The following CFAP58 variants were observed in gnomAD, a reference collection of about 807,000 sequenced individuals.
The protein encoded by CFAP58 is cilia- and flagella-associated protein 58.
Under a neutral mutation model 119.5 loss-of-function variants are expected in CFAP58, and 88 were observed. That is an observed-to-expected ratio of 0.74 (90% CI 0.62 to 0.88). The LOEUF is 0.88. Among genes scored for constraint, CFAP58 ranks in the 40% least tolerant of loss-of-function variants. The pLI is 0.00. For missense variants in CFAP58, 990 were observed against 1,021.2 expected (o/e 0.97, Z 0.42); for synonymous variants, 365 against 366.3 (o/e 1.00, Z 0.04).
At chr10:104,415,326 T>C (rs899518304) in intron 15 of CFAP58, among the ~76,000 whole-genome samples, 5 of 152,110 alleles carry the variant, frequency 3.3e-5, no homozygotes, top group African/African-American at 1.2e-4. Context: ...GGTCATCCCA[T>C]GGGCGTTTGA....
chr10:104,382,683 G>A (rs1444737029), intron 9 of CFAP58, among the ~76,000 whole-genome samples: 1 of 152,192 alleles, frequency 6.6e-6, no homozygotes, highest in Admixed American at 6.5e-5. Flanking sequence ...ATGATGGTGA[G>A]TGAGTTCTCA....
chr10:104,355,348 A>G (rs1470769272), intron 1 of CFAP58, among the ~76,000 whole-genome samples: 3 of 152,244 alleles, frequency 2.0e-5, no homozygotes, highest in East Asian at 3.9e-4. Flanking sequence ...TTCAGGATAT[A>G]TTTGCATATT....
chr10:104,409,600 TTCTC>T (rs1301464808), intron 15 of CFAP58, among the ~76,000 whole-genome samples: 1 of 152,244 alleles, frequency 6.6e-6, no homozygotes, highest in African/African-American at 2.4e-5. Flanking sequence ...TTATTTCTCC[TTCTC>T]TCTGACATTT....
chr10:104,438,335 TTTTTTG>T (rs1564904703), intron 15 of CFAP58, among the ~76,000 whole-genome samples: 4 of 132,672 alleles, frequency 3.0e-5, no homozygotes, highest in African/African-American at 1.3e-4. Context: ...TGTTTTTTTG[TTTTTTG>T]TTTTTTGTTT....
intron 15 of CFAP58, among the ~76,000 whole-genome samples, chr10:104,423,717 T>C (rs1318250445): frequency 1.3e-5 from 2 of 152,162 alleles, no homozygotes; most frequent in South Asian, 4.1e-4. Context: ...ACAAAAGAGA[T>C]TTTCAGTGAT....
At chr10:104,438,350 T>G (rs201656019) in intron 15 of CFAP58, among the ~76,000 whole-genome samples, 6 of 38,744 alleles carry the variant, frequency 1.5e-4, no homozygotes, top group African/African-American at 2.6e-4. Flanking sequence ...TGTTTTTTGT[T>G]TTTTTTTTTT....
At chr10:104,407,614 G>C (rs1183730666) in intron 15 of CFAP58, among the ~76,000 whole-genome samples, 1 of 152,030 alleles carries the variant, frequency 6.6e-6, no homozygotes, top group Non-Finnish European at 1.5e-5. Flanking sequence ...GGATGGAAAG[G>C]GTTTAGTATT....
intron 9 of CFAP58, among the ~76,000 whole-genome samples, chr10:104,390,700 AGTTTT>A (rs1248450221): frequency 6.6e-6 from 1 of 152,228 alleles, no homozygotes; most frequent in African/African-American, 2.4e-5. Flanking sequence ...TTGTTAACCT[AGTTTT>A]GTTTTGTGTA....
chr10:104,440,504 C>A (rs992117624), intron 15 of CFAP58, among the ~76,000 whole-genome samples: 2 of 152,146 alleles, frequency 1.3e-5, no homozygotes, highest in African/African-American at 4.8e-5. Flanking sequence ...ATTGAGCCCT[C>A]TCCAGTCCAA....
intron 12 of CFAP58, 45 bp from the exon 13 acceptor site, chr10:104,400,635 A>C: frequency 6.6e-7 from 1 of 1,504,988 alleles, no homozygotes; most frequent in Non-Finnish European, 9.2e-7. Flanking sequence ...TGAAAAGCTA[A>C]GGCTCCTCCT....
intron 15 of CFAP58, among the ~76,000 whole-genome samples, chr10:104,414,949 G>C (rs983746675): frequency 2.6e-5 from 4 of 152,184 alleles, no homozygotes; most frequent in African/African-American, 9.7e-5. Context: ...GGTTGTCTCT[G>C]AACACTCCCC....
intron 6 of CFAP58, among the ~76,000 whole-genome samples, chr10:104,370,027 C>T (rs2014801817): frequency 6.6e-6 from 1 of 152,120 alleles, no homozygotes; most frequent in South Asian, 2.1e-4. Context: ...GTCCACTTAT[C>T]CATATGTATA....
At position 104,370,991 on chromosome 10, in the gene CFAP58, C is replaced by G; in HGVS notation, c.1027C>G (p.Gln343Glu). The change falls in exon 7 of 18, where the codon CAA becomes GAA. Residue 343 changes from glutamine (Q) to glutamate (E), a missense_variant. Physicochemically the swap from Gln to Glu is conservative, Grantham distance 29. Transcript: ENST00000369704. ...IHKKLHHTEDQKAEVEQHKET... is the reference protein window; with the variant it reads ...IHKKLHHTEDEKAEVEQHKET... ...TAAGAAATTGCACCACACCGAAGAT[C>G]AAAAGGCAGAAGTCGAACAGCACAA... is the stretch of plus-strand genomic sequence containing the variant. 1.9e-6 allele frequency: 3 copies of G among 1,613,404 alleles called. No homozygotes were observed. The African/African-American group carries it at 4.0e-5, about 22-fold the overall frequency.
At chr10:104,377,113 G>A (rs2011688961) in intron 8 of CFAP58, among the ~76,000 whole-genome samples, 1 of 152,206 alleles carries the variant, frequency 6.6e-6, no homozygotes, top group Non-Finnish European at 1.5e-5. Flanking sequence ...AAAAGACTTT[G>A]GAGAATTAGC....
chr10:104,422,949 C>T (rs532373437), intron 15 of CFAP58, among the ~76,000 whole-genome samples: 91 of 152,298 alleles, frequency 6.0e-4, no homozygotes, highest in African/African-American at 2.1e-3. Flanking sequence ...ATTTAATCAT[C>T]AAGTGGTACA....
At chr10:104,433,451 G>A (rs148407018) in intron 15 of CFAP58, among the ~76,000 whole-genome samples, 3 of 152,326 alleles carry the variant, frequency 2.0e-5, no homozygotes, top group African/African-American at 7.2e-5. Context: ...ATGGGAATTT[G>A]TTTGCCAAGG....
intron 17 of CFAP58, among the ~76,000 whole-genome samples, chr10:104,451,213 T>C (rs575500751): frequency 6.6e-6 from 1 of 152,294 alleles, no homozygotes; most frequent in South Asian, 2.1e-4. Flanking sequence ...TTCAGGGACA[T>C]GGTGAAATAT....
intron 15 of CFAP58, among the ~76,000 whole-genome samples, chr10:104,442,047 T>C (rs1268339549): frequency 6.6e-6 from 1 of 152,242 alleles, no homozygotes; most frequent in Non-Finnish European, 1.5e-5. Context: ...GGCCGTGTTC[T>C]AGAGTTGCTT....
At chr10:104,432,093 A>AATCTACCTTTG (rs1589934049) in intron 15 of CFAP58, among the ~76,000 whole-genome samples, 1 of 152,350 alleles carries the variant, frequency 6.6e-6, no homozygotes, top group East Asian at 1.9e-4. Flanking sequence ...AAGTAGAGGA[A>AATCTACCTTTG]GTATAATACC....
Sources: gnomAD v4.1 joint callset for allele counts (sites outside exome capture counted in the v4.1 genomes callset) on GRCh38, gnomAD v4.1.1 for gene constraint, MANE v1.5 for transcripts, NCBI Gene and HGNC (gene_info 2026-07-23, HGNC 2026-07-21) for gene names.